LOXHD1: variants seen among roughly 807,000 people sequenced by gnomAD.
LOXHD1 encodes lipoxygenase homology domain-containing protein 1.
LOXHD1 carries 205 observed loss-of-function variants against 248.2 expected under a neutral mutation model. That is an observed-to-expected ratio of 0.83 (90% CI 0.74 to 0.93). The LOEUF (loss-of-function observed/expected upper bound fraction) is 0.93. Ranked by LOEUF, LOXHD1 falls within the 40% of genes least tolerant of loss-of-function variation. LOXHD1 has a pLI of 0.00. For missense variants in LOXHD1, 2,930 were observed against 2,971.6 expected (o/e 0.99, Z 0.33); for synonymous variants, 1,113 against 1,162.8 (o/e 0.96, Z 0.87).
At chr18:46,547,155 C>T in intron 21 of LOXHD1, 97 bp from the exon 22 acceptor site, 1 of 1,360,762 alleles carries the variant, frequency 7.3e-7, no homozygotes, top group Non-Finnish European at 1.0e-6. Context: ...CTATGGGGTC[C>T]CAAACTCTCC....
chr18:46,559,710 A>T, intron 19 of LOXHD1, 108 bp from the exon 20 acceptor site: 1 of 1,228,310 alleles, frequency 8.1e-7, no homozygotes, highest in Non-Finnish European at 1.1e-6. Flanking sequence ...AGGGATCTTC[A>T]GATGCATCTA....
intron 37 of LOXHD1, among the ~76,000 whole-genome samples, chr18:46,502,182 A>G (rs1370755066): frequency 6.6e-6 from 1 of 152,326 alleles, no homozygotes; most frequent in South Asian, 2.1e-4. Flanking sequence ...TTGACATACC[A>G]CATCTTGGGA....
chr18:46,578,417 A>C (rs760886909), intron 13 of LOXHD1, among the ~76,000 whole-genome samples: 33 of 152,202 alleles, frequency 2.2e-4, no homozygotes, highest in Non-Finnish European at 4.4e-4. Context: ...AGTAAAGAGT[A>C]GGGAAGGCTG....
intron 34 of LOXHD1, among the ~76,000 whole-genome samples, chr18:46,517,011 G>A (rs910973810): frequency 5.3e-5 from 8 of 152,144 alleles, no homozygotes; most frequent in African/African-American, 1.9e-4. Flanking sequence ...TATAAGCAAG[G>A]CAAGAGCTAG....
At chr18:46,505,218 G>A (rs2034485013) in intron 37 of LOXHD1, among the ~76,000 whole-genome samples, 1 of 149,216 alleles carries the variant, frequency 6.7e-6, no homozygotes, top group Non-Finnish European at 1.5e-5. Context: ...TTCTCACTCT[G>A]TCATCCAGGC....
intron 14 of LOXHD1, among the ~76,000 whole-genome samples, chr18:46,577,245 CTT>C (rs1208731903): frequency 6.6e-6 from 1 of 152,080 alleles, no homozygotes; most frequent in Non-Finnish European, 1.5e-5. Context: ...AGAAAGGAAA[CTT>C]TATCTCATGA....
intron 2 of LOXHD1, among the ~76,000 whole-genome samples, chr18:46,648,635 T>C (rs1360770362): frequency 6.6e-6 from 1 of 152,090 alleles, no homozygotes; most frequent in Non-Finnish European, 1.5e-5. Flanking sequence ...TCTCACTAGT[T>C]ATAATAAAAA....
At chr18:46,486,614 G>T (rs2033072783) in intron 38 of LOXHD1, among the ~76,000 whole-genome samples, 1 of 152,102 alleles carries the variant, frequency 6.6e-6, no homozygotes, top group African/African-American at 2.4e-5. Flanking sequence ...GGGAGGTGAT[G>T]GTCTATTCTG....
intron 21 of LOXHD1, among the ~76,000 whole-genome samples, chr18:46,549,379 C>T (rs2036988220): frequency 1.3e-5 from 2 of 152,138 alleles, no homozygotes; most frequent in Non-Finnish European, 2.9e-5. Context: ...GAGTGTTGTA[C>T]AATATAAATA....
chr18:46,508,115 C>T (rs1399503004), intron 35 of LOXHD1, among the ~76,000 whole-genome samples: 1 of 152,116 alleles, frequency 6.6e-6, no homozygotes, highest in Non-Finnish European at 1.5e-5. Context: ...GGTGTGGGCA[C>T]CATATTATTG....
chr18:46,573,963 G>A (rs2037805715), intron 14 of LOXHD1, among the ~76,000 whole-genome samples: 1 of 152,142 alleles, frequency 6.6e-6, no homozygotes, highest in African/African-American at 2.4e-5. Context: ...AGGGCTGCTG[G>A]AGTCCCTGAA....
At chr18:46,576,537 C>T (rs1354450979) in intron 14 of LOXHD1, among the ~76,000 whole-genome samples, 1 of 152,194 alleles carries the variant, frequency 6.6e-6, no homozygotes, top group Non-Finnish European at 1.5e-5. Flanking sequence ...TCTCTGACCT[C>T]CCTTCCAGGC....
intron 12 of LOXHD1, among the ~76,000 whole-genome samples, chr18:46,584,758 C>T (rs553239819): frequency 1.3e-5 from 2 of 152,094 alleles, no homozygotes; most frequent in Admixed American, 6.5e-5. Flanking sequence ...CTGACAAAGA[C>T]GTCATAAGAA....
chr18:46,538,146 G>A lies in LOXHD1; in HGVS notation c.4095+10C>T. 2.0e-6 allele frequency: 3 copies of A among 1,527,188 alleles called. No individual in the cohort carries two copies. The highest frequency in any genetic ancestry group is 1.2e-5 in the South Asian group (1 of 83,166). The allele number at this position is 1,527,188 out of a possible 1,614,324, so 94.6% of individuals were successfully genotyped here. On this transcript the variant is annotated intron_variant, in intron 26 of 40. Transcript: ENST00000642948. ...ACTCCATCCCTGGACAGCCTGCTGA[G>A]CCCAAGTACCTCTACGATGAAGCGG...
intron 40 of LOXHD1, among the ~76,000 whole-genome samples, chr18:46,480,748 T>C (rs1162675332): frequency 1.3e-5 from 2 of 152,170 alleles, no homozygotes; most frequent in East Asian, 1.9e-4. Context: ...GTGAACATTG[T>C]GTATTAGAAA....
intron 4 of LOXHD1, among the ~76,000 whole-genome samples, chr18:46,637,467 G>C (rs537754198): frequency 6.6e-6 from 1 of 152,184 alleles, no homozygotes; most frequent in Admixed American, 6.5e-5. Flanking sequence ...CTGAAAAGTG[G>C]CAAGTTTGAC....
At chr18:46,635,691 T>C (rs1450242517) in intron 4 of LOXHD1, among the ~76,000 whole-genome samples, 1 of 152,360 alleles carries the variant, frequency 6.6e-6, no homozygotes, top group East Asian at 1.9e-4. Context: ...TACTAGTGTA[T>C]GCCTGACATT....
chr18:46,532,463 G>T (rs1224024837), intron 28 of LOXHD1, among the ~76,000 whole-genome samples: 2 of 152,290 alleles, frequency 1.3e-5, no homozygotes, highest in African/African-American at 4.8e-5. Context: ...TGAGGACTGA[G>T]CCTTGAGGAA....
At chr18:46,570,172 C>G (rs1393358156) in intron 15 of LOXHD1, among the ~76,000 whole-genome samples, 2 of 152,176 alleles carry the variant, frequency 1.3e-5, no homozygotes, top group Non-Finnish European at 2.9e-5. Context: ...GAGTGAAACT[C>G]TCATGTGGAC....
Sources: allele counts gnomAD v4.1 joint callset (sites outside exome capture counted in the v4.1 genomes callset), GRCh38; gene constraint gnomAD v4.1.1; transcripts MANE v1.5; gene names NCBI Gene and HGNC (gene_info 2026-07-23, HGNC 2026-07-21).